The following PRKCQ variants were observed in gnomAD, a reference collection of about 807,000 sequenced individuals.
PRKCQ encodes protein kinase C theta.
PRKCQ carries 41 observed loss-of-function variants against 91.2 expected under a neutral mutation model. That is an observed-to-expected ratio of 0.45 (90% confidence interval 0.35 to 0.58). PRKCQ has a LOEUF of 0.58. Ranked by LOEUF, PRKCQ falls within the 20% of genes least tolerant of loss-of-function variation. PRKCQ has a pLI of 0.00. For synonymous variants in PRKCQ, 307 were observed against 316.9 expected, an observed-to-expected ratio of 0.97 and a Z score of 0.33; for missense variants, 673 against 896.5, an observed-to-expected ratio of 0.75 and a Z score of 3.18.
At chr10:6,462,786 C>T (rs1337033535) in intron 13 of PRKCQ, among the ~76,000 whole-genome samples, 2 of 152,132 alleles carry the variant, frequency 1.3e-5, no homozygotes, top group Non-Finnish European at 2.9e-5. Context: ...AGGTGGATCA[C>T]TTGAAGTCAG....
intron 12 of PRKCQ, 29 bp from the exon 13 acceptor site, chr10:6,464,433 T>C (rs759529839): frequency 1.5e-5 from 23 of 1,509,192 alleles, no homozygotes; most frequent in Non-Finnish European, 2.0e-5. Flanking sequence ...ATTCCAACTT[T>C]TATTTCATTT....
intron 1 of PRKCQ, among the ~76,000 whole-genome samples, chr10:6,520,042 T>C (rs1838938660): frequency 6.6e-6 from 1 of 152,172 alleles, no homozygotes. Context: ...GTCTCATACT[T>C]TATGACAACA....
intron 15 of PRKCQ, among the ~76,000 whole-genome samples, chr10:6,444,144 C>G (rs566256953): frequency 6.6e-6 from 1 of 152,278 alleles, no homozygotes; most frequent in East Asian, 1.9e-4. Flanking sequence ...AATCTCGGCT[C>G]ACTGCAACCT....
At chr10:6,455,784 C>A (rs1834969652) in intron 15 of PRKCQ, among the ~76,000 whole-genome samples, 1 of 152,146 alleles carries the variant, frequency 6.6e-6, no homozygotes, top group Non-Finnish European at 1.5e-5. Flanking sequence ...TGAGATGTGA[C>A]CACTGGGGGA....
intron 12 of PRKCQ, among the ~76,000 whole-genome samples, chr10:6,467,839 A>G (rs945431266): frequency 6.6e-6 from 1 of 152,162 alleles, no homozygotes; most frequent in Non-Finnish European, 1.5e-5. Context: ...GCAATAAACA[A>G]TGTTGACATT....
At position 6,465,271 on chromosome 10, in the gene PRKCQ, A is replaced by G. The variant is rs1379644859; in HGVS notation, c.1354-867T>C. Among the ~76,000 whole-genome samples the G allele has an allele frequency of 6.6e-6, 1 of 152,128 alleles. No individual in the cohort carries two copies. Among genetic ancestry groups the G allele is most frequent in the Non-Finnish European group, 1.5e-5 (1 of 68,012 alleles). On this transcript the variant is annotated intron_variant, in intron 12 of 17. Coordinates refer to ENST00000263125, the MANE Select transcript of PRKCQ (RefSeq NM_006257.5). The surrounding 1 kb of genome is among the most constrained non-coding windows in gnomAD (Gnocchi z 4.4). ...ATCAAGTTTAACCTTATTTTTCTCC[A>G]GTCCTGACTTAACTCATGGCAGAGG...
chr10:6,410,750 AG>A, the PRKCQ span, among the ~76,000 whole-genome samples: 1 of 152,174 alleles, frequency 6.6e-6, no homozygotes, highest in African/African-American at 2.4e-5. Flanking sequence ...TGGGAGGCCA[AG>A]GCGGGTGGAT....
Position 6,428,063 on chromosome 10 carries a change from AG to A in PRKCQ, c.*143del. 9.9e-7 allele frequency: 1 copy of A among 1,005,798 alleles called. No homozygotes were observed. Among genetic ancestry groups the A allele is most frequent in the South Asian group, 1.6e-5 (1 of 62,436 alleles). The allele number at this position is 1,005,798 out of a possible 1,614,324, so 62.3% of individuals were successfully genotyped here. ...AGACTTGGTTTCTGCTACAGATAAA[AG>A]TCACATGGGGGCGAACGGGTCTCAG... is the stretch of plus-strand genomic sequence containing the variant. On this transcript the variant is annotated 3_prime_UTR_variant, in exon 18 of 18. Transcript: ENST00000263125.
intron 12 of PRKCQ, among the ~76,000 whole-genome samples, chr10:6,476,669 G>A (rs1384592837): frequency 6.6e-6 from 1 of 152,122 alleles, no homozygotes; most frequent in African/African-American, 2.4e-5. Flanking sequence ...GGGTATTTGT[G>A]TTGTTTCCAA....
chr10:6,555,504 C>A (rs759729355), intron 1 of PRKCQ, among the ~76,000 whole-genome samples: 1 of 152,182 alleles, frequency 6.6e-6, no homozygotes, highest in Non-Finnish European at 1.5e-5. Context: ...ATTCACAATT[C>A]TGTGCTATCA....
At chr10:6,446,687 C>A (rs1341521655) in intron 15 of PRKCQ, among the ~76,000 whole-genome samples, 1 of 152,144 alleles carries the variant, frequency 6.6e-6, no homozygotes, top group Non-Finnish European at 1.5e-5. Context: ...TTTAAAGAGA[C>A]TGTGGTGGAG....
chr10:6,479,252 G>C (rs145132591), intron 11 of PRKCQ, 87 bp from the exon 12 acceptor site: 2 of 1,485,640 alleles, frequency 1.3e-6, no homozygotes, highest in African/African-American at 2.8e-5. Context: ...AGACACCTGT[G>C]TTGGGTGGGA....
At chr10:6,523,051 G>C (rs1394459566) in intron 1 of PRKCQ, among the ~76,000 whole-genome samples, 1 of 152,096 alleles carries the variant, frequency 6.6e-6, no homozygotes, top group African/African-American at 2.4e-5. Context: ...AAATCACATA[G>C]TTGGGTAGCG....
intron 15 of PRKCQ, among the ~76,000 whole-genome samples, chr10:6,444,430 CAATT>C (rs376259728): frequency 3.3e-4 from 50 of 151,854 alleles, no homozygotes; most frequent in African/African-American, 1.2e-3. Flanking sequence ...TATTTTCCCA[CAATT>C]AAAAACAAAA....
At chr10:6,575,296 C>T (rs916989000) in intron 1 of PRKCQ, among the ~76,000 whole-genome samples, 1 of 152,188 alleles carries the variant, frequency 6.6e-6, no homozygotes, top group Non-Finnish European at 1.5e-5. Context: ...TTTCCCTTTC[C>T]ATTCTCTCCA....
At chr10:6,578,990 A>G (rs572215927) in intron 1 of PRKCQ, among the ~76,000 whole-genome samples, 1 of 152,352 alleles carries the variant, frequency 6.6e-6, no homozygotes, top group South Asian at 2.1e-4. Flanking sequence ...CATGGCTTCT[A>G]GGGAGCAAAC....
At chr10:6,522,219 A>G (rs491839) in intron 1 of PRKCQ, among the ~76,000 whole-genome samples, 152,324 of 152,328 alleles carry the variant, frequency 1, 76,160 homozygotes, top group Non-Finnish European at 1. Flanking sequence ...CGGGATTACA[A>G]GAGTGAGCCA....
At chr10:6,397,873 T>C in the PRKCQ span, among the ~76,000 whole-genome samples, 2 of 152,020 alleles carry the variant, frequency 1.3e-5, no homozygotes, top group Admixed American at 1.3e-4. Context: ...TGTAGTGAGC[T>C]GAGATCGTGC....
chr10:6,516,815 G>A (rs1020233854), intron 1 of PRKCQ, among the ~76,000 whole-genome samples: 9 of 152,154 alleles, frequency 5.9e-5, no homozygotes, highest in Non-Finnish European at 1.3e-4. Context: ...AGGCGTCTGG[G>A]AAATGCTGCC....
Sources: allele counts gnomAD v4.1 joint callset (sites outside exome capture counted in the v4.1 genomes callset), GRCh38; gene constraint gnomAD v4.1.1; non-coding constraint Gnocchi (gnomAD v3.1); transcripts MANE v1.5; gene names NCBI Gene and HGNC (gene_info 2026-07-23, HGNC 2026-07-21).